The following POLR3B variants were observed in gnomAD, a reference collection of about 807,000 sequenced individuals.
POLR3B encodes DNA-directed RNA polymerase III subunit RPC2.
Under a neutral mutation model 147.4 loss-of-function variants are expected in POLR3B, and 96 were observed. That is an observed-to-expected ratio of 0.65 (90% CI 0.55 to 0.77). The LOEUF is 0.77. POLR3B is among the 30% of genes least tolerant of loss of function. POLR3B has a pLI of 0.00. For missense variants in POLR3B, 1,036 were observed against 1,413.5 expected, an observed-to-expected ratio of 0.73 and a Z score of 4.28; for synonymous variants, 461 against 485.9, an observed-to-expected ratio of 0.95 and a Z score of 0.67.
At chr12:106,472,585 C>G (rs369397028) in intron 23 of POLR3B, among the ~76,000 whole-genome samples, 2 of 151,268 alleles carry the variant, frequency 1.3e-5, no homozygotes, top group Admixed American at 6.6e-5. Flanking sequence ...TCTCATAGTG[C>G]TTTTGATTTG....
intron 23 of POLR3B, among the ~76,000 whole-genome samples, chr12:106,470,154 C>A (rs1002027650): frequency 6.6e-6 from 1 of 152,080 alleles, no homozygotes; most frequent in Non-Finnish European, 1.5e-5. Flanking sequence ...CATTTCTTTT[C>A]ACTCTTTTTT....
At chr12:106,503,642 C>T (rs1193344628) in intron 26 of POLR3B, among the ~76,000 whole-genome samples, 1 of 152,204 alleles carries the variant, frequency 6.6e-6, no homozygotes, top group African/African-American at 2.4e-5. Context: ...AGGTTTCCCC[C>T]ACAGTCTATT....
intron 7 of POLR3B, 110 bp downstream of exon 7, chr12:106,376,560 T>C: frequency 1.3e-6 from 1 of 795,184 alleles, no homozygotes; most frequent in Non-Finnish European, 2.2e-6. Flanking sequence ...TACTTTATAA[T>C]GAACTTGTTC....
chr12:106,460,512 A>T (rs1255607373), intron 22 of POLR3B, among the ~76,000 whole-genome samples: 1 of 152,160 alleles, frequency 6.6e-6, no homozygotes, highest in Non-Finnish European at 1.5e-5. Context: ...AAACCCAGCA[A>T]AGCATTGTGG....
chr12:106,443,320 G>A (rs1167439132), intron 18 of POLR3B, among the ~76,000 whole-genome samples: 6 of 151,994 alleles, frequency 3.9e-5, no homozygotes, highest in Admixed American at 1.3e-4. Flanking sequence ...ATAAATGTGA[G>A]TTGTTCCAAG....
chr12:106,453,208 T>C (rs2037820064), intron 19 of POLR3B, among the ~76,000 whole-genome samples: 1 of 151,812 alleles, frequency 6.6e-6, no homozygotes, highest in Non-Finnish European at 1.5e-5. Context: ...GACATGGTTT[T>C]GTCATGTTGC....
chr12:106,394,003 G>A (rs2036950353), intron 10 of POLR3B, among the ~76,000 whole-genome samples: 1 of 152,068 alleles, frequency 6.6e-6, no homozygotes, highest in South Asian at 2.1e-4. Flanking sequence ...CGTGTACATT[G>A]TCTATTCTGT....
rs2036962751 is a variant in POLR3B at position 106,395,125 on chromosome 12, G to C, written c.846+1972G>C. Among the ~76,000 whole-genome samples the C allele has an allele frequency of 2.0e-5, 3 of 152,252 alleles. No homozygotes were observed. In the South Asian group the frequency reaches 6.2e-4, roughly 32 times the overall value. ...CAGGCACCAGTGGTCTCAGCTGCTTGGGAGGCTGAGGCAGGAGGATCACTT... is the reference window on the plus strand; with the variant it reads ...CAGGCACCAGTGGTCTCAGCTGCTTCGGAGGCTGAGGCAGGAGGATCACTT... On this transcript the variant is annotated intron_variant, in intron 10 of 27. Transcript: ENST00000228347.
intron 23 of POLR3B, among the ~76,000 whole-genome samples, chr12:106,465,663 C>T (rs1380341136): frequency 2.0e-5 from 3 of 152,164 alleles, no homozygotes; most frequent in African/African-American, 7.2e-5. Context: ...CTCCCTGTGT[C>T]CAAGTGTTCT....
At chr12:106,421,321 G>A (rs1593031690) in intron 12 of POLR3B, among the ~76,000 whole-genome samples, 1 of 152,036 alleles carries the variant, frequency 6.6e-6, no homozygotes, top group East Asian at 1.9e-4. Context: ...CCTAGTCATG[G>A]AGTCAGAGTC....
intron 18 of POLR3B, among the ~76,000 whole-genome samples, chr12:106,441,756 G>C (rs960769798): frequency 2.0e-5 from 3 of 151,720 alleles, no homozygotes; most frequent in African/African-American, 7.3e-5. Context: ...GTTTTCATTC[G>C]AACTAAATTT....
At chr12:106,372,355 T>G (rs2036619202) in intron 6 of POLR3B, among the ~76,000 whole-genome samples, 1 of 149,906 alleles carries the variant, frequency 6.7e-6, no homozygotes, top group African/African-American at 2.4e-5. Context: ...TTTTTTTTTT[T>G]TGAGATGGAA....
intron 9 of POLR3B, among the ~76,000 whole-genome samples, chr12:106,385,950 G>T (rs1367324972): frequency 6.6e-6 from 1 of 152,096 alleles, no homozygotes; most frequent in Admixed American, 6.5e-5. Context: ...CTTTCTTTAC[G>T]GTTTGCATTT....
At chr12:106,457,489 A>G (rs888073735) in intron 21 of POLR3B, among the ~76,000 whole-genome samples, 193 bp downstream of exon 21, 7 of 152,228 alleles carry the variant, frequency 4.6e-5, no homozygotes, top group East Asian at 1.9e-4. Flanking sequence ...GTTTTTACCT[A>G]TCAGTAATCT....
At chr12:106,448,820 G>A (rs1483293880) in intron 19 of POLR3B, among the ~76,000 whole-genome samples, 1 of 151,932 alleles carries the variant, frequency 6.6e-6, no homozygotes, top group South Asian at 2.1e-4. Flanking sequence ...CTGAATCCCA[G>A]TTTTGTTGAG....
intron 23 of POLR3B, among the ~76,000 whole-genome samples, chr12:106,480,977 A>G (rs2038259296): frequency 6.6e-6 from 1 of 152,158 alleles, no homozygotes; most frequent in Admixed American, 6.5e-5. Flanking sequence ...ACCATGTTGA[A>G]AAGATGGCAT....
chr12:106,417,370 G>A (rs185961185), intron 12 of POLR3B, among the ~76,000 whole-genome samples: 101 of 152,260 alleles, frequency 6.6e-4, no homozygotes, highest in Non-Finnish European at 1.3e-3. Context: ...GACCCAGGTG[G>A]AGGCTGGATC....
intron 22 of POLR3B, among the ~76,000 whole-genome samples, chr12:106,461,474 C>T (rs2037934024): frequency 6.6e-6 from 1 of 152,114 alleles, no homozygotes; most frequent in Non-Finnish European, 1.5e-5. Flanking sequence ...CCAGCAGTCC[C>T]TGTCTTTGTG....
At chr12:106,429,931 C>T (rs2037485652) in intron 13 of POLR3B, among the ~76,000 whole-genome samples, 5 of 152,134 alleles carry the variant, frequency 3.3e-5, no homozygotes. Context: ...GGTGTTTTAT[C>T]AGTTAGCTTA....
Sources: allele counts gnomAD v4.1 joint callset (sites outside exome capture counted in the v4.1 genomes callset), GRCh38; gene constraint gnomAD v4.1.1; transcripts MANE v1.5; gene names NCBI Gene and HGNC (gene_info 2026-07-23, HGNC 2026-07-21).